CDK5RAP2: variants seen among roughly 807,000 people sequenced by gnomAD.
CDK5RAP2 encodes the protein CDK5 regulatory subunit associated protein 2.
A neutral mutation model predicts 232.9 loss-of-function variants in CDK5RAP2; 147 were observed. That is an observed-to-expected ratio of 0.63 (90% confidence interval 0.55 to 0.72). CDK5RAP2 has a LOEUF of 0.72. Ranked by LOEUF, CDK5RAP2 falls within the 30% of genes least tolerant of loss-of-function variation. CDK5RAP2 has a pLI of 0.00. For missense variants in CDK5RAP2, 2,195 were observed against 2,231.5 expected, an observed-to-expected ratio of 0.98 and a Z score of 0.33; for synonymous variants, 833 against 833.7, an observed-to-expected ratio of 1.00 and a Z score of 0.01.
intron 5 of CDK5RAP2, among the ~76,000 whole-genome samples, chr9:120,540,925 G>C (rs914613098): frequency 8.5e-5 from 13 of 152,188 alleles, no homozygotes; most frequent in African/African-American, 3.1e-4. Context: ...CAAAGCCAAG[G>C]CGCCTATTTC....
At chr9:120,459,110 T>C (rs2036947322) in intron 19 of CDK5RAP2, among the ~76,000 whole-genome samples, 2 of 152,358 alleles carry the variant, frequency 1.3e-5, no homozygotes, top group Admixed American at 6.5e-5. Context: ...TCCTCCTTAT[T>C]ATATATCACA....
At chr9:120,486,692 C>A (rs761196949) in intron 14 of CDK5RAP2, among the ~76,000 whole-genome samples, 1 of 152,028 alleles carries the variant, frequency 6.6e-6, no homozygotes, top group Non-Finnish European at 1.5e-5. Context: ...TGCTGTGAAC[C>A]AGAGGAAAAC....
In CDK5RAP2 at chr9:120,400,751, G is replaced by C; in HGVS notation, c.5442C>G (p.His1814Gln). The change falls in exon 35 of 38, where the codon CAC (histidine) becomes CAG (glutamine). Residue 1814 changes from histidine (H) to glutamine (Q), a missense_variant. Transcript: ENST00000349780. The stretch of plus-strand genomic sequence containing the variant: ...ATGTGTCACCACCTACCTGCTCACA[G>C]TGAAGGGGGCACTGGCCATCCTCGG... ...SLPEDGQCPL[H>Q]CEQIGEMKAE... 2.5e-6 allele frequency: 4 copies of C among 1,613,742 alleles called. No homozygotes were observed. Among genetic ancestry groups the C allele is most frequent in the Non-Finnish European group, 3.4e-6 (4 of 1,180,032 alleles).
At chr9:120,411,615 A>C in intron 28 of CDK5RAP2, 141 bp from the exon 29 acceptor site, 1 of 646,374 alleles carries the variant, frequency 1.5e-6, no homozygotes, top group Non-Finnish European at 2.8e-6. Flanking sequence ...AGGAATTACC[A>C]GAAGCCAAAG....
In CDK5RAP2 at chr9:120,525,711, C is replaced by T. The variant is rs571885214; in HGVS notation, c.1000-633G>A. 6.5e-4 allele frequency among the ~76,000 whole-genome samples: 99 copies of T among 152,216 alleles called. 1 individual carries two copies. The highest frequency in any genetic ancestry group is 3.4e-3 in the Middle Eastern group (1 of 294). Reference sequence around the variant, plus strand: ...AGCTCACTGCAGCCTCAACTCCCCACGCTCAAGCAAGCCTCCCACCTCAGC... The same window carrying T: ...AGCTCACTGCAGCCTCAACTCCCCATGCTCAAGCAAGCCTCCCACCTCAGC... On this transcript the variant is annotated intron_variant, in intron 10 of 37. Coordinates refer to ENST00000349780, the MANE Select transcript of CDK5RAP2 (RefSeq NM_018249.6).
At chr9:120,486,426 A>AC (rs1252441514) in intron 14 of CDK5RAP2, among the ~76,000 whole-genome samples, 3 of 151,480 alleles carry the variant, frequency 2.0e-5, no homozygotes, top group African/African-American at 7.3e-5. Flanking sequence ...AAAAAAAAAA[A>AC]AAAACCTGGC....
At chr9:120,578,234 T>A (rs1395012221) in intron 1 of CDK5RAP2, among the ~76,000 whole-genome samples, 1 of 152,144 alleles carries the variant, frequency 6.6e-6, no homozygotes, top group Non-Finnish European at 1.5e-5. Flanking sequence ...GCCACTGCAC[T>A]CCAGCCTGGT....
intron 31 of CDK5RAP2, chr9:120,407,526 A>C (rs2033543229): frequency 2.1e-6 from 1 of 479,006 alleles, no homozygotes; most frequent in Non-Finnish European, 3.8e-6. Flanking sequence ...TATGTCTAGT[A>C]GTAATAAAAT....
At chr9:120,486,833 T>C (rs1229520599) in intron 14 of CDK5RAP2, among the ~76,000 whole-genome samples, 1 of 152,176 alleles carries the variant, frequency 6.6e-6, no homozygotes, top group East Asian at 1.9e-4. Context: ...CAGATGGAAC[T>C]ACATACACAA....
chr9:120,401,568 T>G lies in CDK5RAP2; in HGVS notation c.5308-683A>C, dbSNP rs982665052. The stretch of plus-strand genomic sequence containing the variant: ...TCAAGGCTGCAGTGTGCCATAATCA[T>G]GCCATGTACCCCAGCCTGGACAACA... On this transcript the variant is annotated intron_variant, in intron 34 of 37. Coordinates refer to ENST00000349780, the MANE Select transcript of CDK5RAP2 (RefSeq NM_018249.6). Among the ~76,000 whole-genome samples, 41 of 126,638 alleles carry G rather than the reference T, an allele frequency of 3.2e-4. 1 individual carries two copies. The highest frequency in any genetic ancestry group is 1.1e-3 in the Admixed American group (11 of 9,782). The allele number at this position is 126,638 out of a possible 152,430, so 83.1% of individuals were successfully genotyped here. A position where few individuals can be genotyped will look rare whatever the true frequency, so the allele number is the denominator to read the frequency against.
intron 18 of CDK5RAP2, among the ~76,000 whole-genome samples, chr9:120,462,371 T>C (rs1344963315): frequency 6.6e-6 from 1 of 151,780 alleles, no homozygotes; most frequent in Non-Finnish European, 1.5e-5. Context: ...TTGGAAAAAG[T>C]ATTGGCAATT....
chr9:120,518,660 A>G lies in CDK5RAP2; in HGVS notation c.1093-15T>C, dbSNP rs761445877. On this transcript the variant is annotated splice_polypyrimidine_tract_variant and intron_variant, in intron 11 of 37. Coordinates refer to ENST00000349780, the MANE Select transcript of CDK5RAP2 (RefSeq NM_018249.6). ...TCTTCAGACCCCTAGAAGAGAAGGC[A>G]GAGAAGCAAGATGAGCTAATTTTCA... The G allele has an allele frequency of 2.5e-6, 4 of 1,605,358 alleles. No individual in the cohort carries two copies. The African/African-American group carries it at 4.0e-5, about 16-fold the overall frequency.
intron 18 of CDK5RAP2, 85 bp from the exon 19 acceptor site, chr9:120,460,752 T>A: frequency 6.4e-7 from 1 of 1,571,572 alleles, no homozygotes; most frequent in East Asian, 2.3e-5. Flanking sequence ...TGATGTCTTT[T>A]TTTTTTTAAT....
At chr9:120,428,748 C>T (rs1473699162) in intron 25 of CDK5RAP2, among the ~76,000 whole-genome samples, 1 of 152,200 alleles carries the variant, frequency 6.6e-6, no homozygotes, top group Non-Finnish European at 1.5e-5. Context: ...TCCTCCCTAA[C>T]TCATTTTATG....
At chr9:120,440,151 C>A in intron 23 of CDK5RAP2, 179 bp from the exon 24 acceptor site, 1 of 625,000 alleles carries the variant, frequency 1.6e-6, no homozygotes, top group Non-Finnish European at 2.8e-6. Context: ...CCTAACAAGC[C>A]TCCCTCAAAA....
chr9:120,397,544 T>TAAAAAAAAAAAAAAAAAAAAAAAA (rs760469422), intron 35 of CDK5RAP2, among the ~76,000 whole-genome samples: 3 of 49,118 alleles, frequency 6.1e-5, no homozygotes, highest in African/African-American at 8.8e-5. Flanking sequence ...AAAACATTCT[T>TAAAAAAAAAAAAAAAAAAAAAAAA]AAAAAAAAAA....
intron 3 of CDK5RAP2, among the ~76,000 whole-genome samples, chr9:120,559,511 AAAC>A (rs1436330740): frequency 6.7e-6 from 1 of 148,674 alleles, no homozygotes; most frequent in African/African-American, 2.5e-5. Context: ...AAAAAAAAGA[AAAC>A]AAAGAATTTA....
At chr9:120,573,391 A>T (rs2042921617) in intron 1 of CDK5RAP2, among the ~76,000 whole-genome samples, 1 of 152,076 alleles carries the variant, frequency 6.6e-6, no homozygotes, top group African/African-American at 2.4e-5. Flanking sequence ...TCTAATAAAA[A>T]TACAAAAATT....
At chr9:120,544,792 C>T (rs1389973352) in intron 5 of CDK5RAP2, among the ~76,000 whole-genome samples, 1 of 152,232 alleles carries the variant, frequency 6.6e-6, no homozygotes, top group Admixed American at 6.5e-5. Flanking sequence ...ACAACACCCT[C>T]CATCACTGTA....
Sources: allele counts gnomAD v4.1 joint callset (sites outside exome capture counted in the v4.1 genomes callset), GRCh38; gene constraint gnomAD v4.1.1; transcripts MANE v1.5; gene names NCBI Gene and HGNC (gene_info 2026-07-23, HGNC 2026-07-21).